MTHFD1L: variants seen among roughly 807,000 people sequenced by gnomAD.
MTHFD1L encodes methylenetetrahydrofolate dehydrogenase (NADP+ dependent) 1 like.
In MTHFD1L, 81 loss-of-function variants were observed where a neutral mutation model predicts 119.5. The observed-to-expected ratio is 0.68, with a 90% CI of 0.57 to 0.82. The LOEUF (loss-of-function observed/expected upper bound fraction) is 0.82, where lower values mean the gene tolerates loss of function less well. Ranked by LOEUF, MTHFD1L falls within the 40% of genes least tolerant of loss-of-function variation. The pLI is 0.00. For synonymous variants in MTHFD1L, 430 were observed against 475.2 expected (o/e 0.90, Z 1.24); for missense variants, 1,125 against 1,253.4 (o/e 0.90, Z 1.55).
rs1424680139 is a variant in MTHFD1L at position 151,034,521 on chromosome 6, T to C, written c.2615T>C (p.Ile872Thr). The C allele has an allele frequency of 2.5e-6, 4 of 1,611,600 alleles. No individual in the cohort carries two copies. Among genetic ancestry groups the C allele is most frequent in the South Asian group, 1.1e-5 (1 of 90,988 alleles). Residue 872 changes from isoleucine to threonine, a missense_variant, in exon 25 of 28, where the codon ATT (isoleucine) becomes ACT (threonine). Coordinates refer to ENST00000367321, the MANE Select transcript of MTHFD1L (RefSeq NM_015440.5). ...QVPIVDKIRT[I>T]AQAVYGAKDI... Reference sequence around the variant, plus strand: ...CCAATTGTGGACAAGATAAGGACCATTGCTCAGGCTGTCTATGGAGCCAAA... The same window carrying C: ...CCAATTGTGGACAAGATAAGGACCACTGCTCAGGCTGTCTATGGAGCCAAA...
At chr6:151,090,939 G>A (rs1414223546) in intron 26 of MTHFD1L, among the ~76,000 whole-genome samples, 3 of 130,976 alleles carry the variant, frequency 2.3e-5, no homozygotes, top group African/African-American at 9.5e-5. Flanking sequence ...ACTGGGTGCA[G>A]CATCGTTCCA....
intron 11 of MTHFD1L, among the ~76,000 whole-genome samples, chr6:150,928,285 A>T (rs1283814757): frequency 6.6e-6 from 1 of 151,568 alleles, no homozygotes; most frequent in African/African-American, 2.4e-5. Flanking sequence ...AATACCAAAA[A>T]ATTAGCCAGG....
intron 27 of MTHFD1L, 48 bp downstream of exon 27, chr6:151,092,635 C>T (rs75272597): frequency 0.019 from 22,365 of 1,186,616 alleles, 291 homozygotes; most frequent in Non-Finnish European, 0.022. Context: ...TTTTCCAGTT[C>T]ATATCCTTTT....
At chr6:151,038,390 C>T (rs972672822) in intron 26 of MTHFD1L, among the ~76,000 whole-genome samples, 24 of 151,636 alleles carry the variant, frequency 1.6e-4, no homozygotes, top group African/African-American at 4.8e-4. Flanking sequence ...TGGGGTGATC[C>T]GATGTGGCTG....
chr6:150,908,107 C>T (rs1008689589), intron 8 of MTHFD1L, among the ~76,000 whole-genome samples: 2 of 150,096 alleles, frequency 1.3e-5, no homozygotes. Context: ...GTGGATGCAC[C>T]ATGTTTGCCA....
At chr6:151,028,751 G>A (rs75409490) in intron 24 of MTHFD1L, among the ~76,000 whole-genome samples, 3,817 of 152,182 alleles carry the variant, frequency 0.025, 103 homozygotes, top group Admixed American at 0.091. Context: ...TGGACTTAAC[G>A]CTACTGAACT....
chr6:150,957,753 T>C (rs936043402), intron 17 of MTHFD1L, among the ~76,000 whole-genome samples: 1 of 152,182 alleles, frequency 6.6e-6, no homozygotes, highest in Non-Finnish European at 1.5e-5. Flanking sequence ...TAAAAACCAT[T>C]TTAAAACTTT....
intron 25 of MTHFD1L, among the ~76,000 whole-genome samples, chr6:151,036,448 C>T (rs1012956932): frequency 6.6e-6 from 1 of 152,184 alleles, no homozygotes; most frequent in African/African-American, 2.4e-5. Flanking sequence ...TCCTTAAAAA[C>T]AAGAAGCTTA....
Position 150,871,116 on chromosome 6 carries a change from ATTAATATATATC to A in MTHFD1L, c.228-4962_228-4951del, listed in dbSNP as rs1162871093. On this transcript the variant is annotated intron_variant, in intron 1 of 27. Coordinates refer to ENST00000367321, the MANE Select transcript of MTHFD1L (RefSeq NM_015440.5). Reference sequence around the variant, plus strand: ...ACACCTTAATATATATATAATATATATTAATATATATCTTAATATATATATATAAGGTAATAT... The same window carrying A: ...ACACCTTAATATATATATAATATATATTAATATATATATATAAGGTAATAT... Among the ~76,000 whole-genome samples the A allele has an allele frequency of 4.5e-3, 656 of 144,862 alleles. 8 individuals carry two copies. Among genetic ancestry groups the A allele is most frequent in the African/African-American group, 0.016 (628 of 39,604 alleles).
intron 27 of MTHFD1L, among the ~76,000 whole-genome samples, chr6:151,096,997 A>G (rs1794942579): frequency 6.6e-6 from 1 of 152,148 alleles, no homozygotes; most frequent in Non-Finnish European, 1.5e-5. Flanking sequence ...ATTAAAATAG[A>G]TTTTTTGTCC....
intron 13 of MTHFD1L, among the ~76,000 whole-genome samples, chr6:150,942,863 A>T (rs1324142447): frequency 1.3e-5 from 2 of 152,186 alleles, no homozygotes; most frequent in African/African-American, 4.8e-5. Flanking sequence ...AAAAAGAATA[A>T]CACTTTCTCA....
intron 26 of MTHFD1L, among the ~76,000 whole-genome samples, chr6:151,044,278 C>T (rs1320040120): frequency 2.6e-5 from 4 of 151,640 alleles, no homozygotes; most frequent in Admixed American, 6.6e-5. Context: ...TGACAGGAGG[C>T]ACCGCATGGG....
chr6:150,971,862 C>A, intron 19 of MTHFD1L, 85 bp from the exon 20 acceptor site: 1 of 1,124,204 alleles, frequency 8.9e-7, no homozygotes, highest in Non-Finnish European at 1.3e-6. Flanking sequence ...TAAAAGCTTT[C>A]CTACCCCATT....
chr6:151,069,789 A>G (rs1394031477), intron 26 of MTHFD1L, among the ~76,000 whole-genome samples: 1 of 152,160 alleles, frequency 6.6e-6, no homozygotes, highest in Non-Finnish European at 1.5e-5. Flanking sequence ...ACAGAGGGCC[A>G]GGTCCAAGTG....
rs1391002733 is a variant in MTHFD1L, at chr6:151,074,940, A to T, written c.2848-17527A>T. Among the ~76,000 whole-genome samples the T allele has an allele frequency of 2.6e-5, 4 of 152,184 alleles. No individual in the cohort carries two copies. In the East Asian group the frequency reaches 7.7e-4, roughly 29 times the overall value. ...TTAAGCAACACAGGACTGTGCTGTA[A>T]ATGCAAGGTAACCATTTCAGTAATT... On this transcript the variant is annotated intron_variant, in intron 26 of 27. Transcript: ENST00000367321.
intron 26 of MTHFD1L, among the ~76,000 whole-genome samples, chr6:151,070,307 C>A (rs548569819): frequency 6.6e-5 from 10 of 152,308 alleles, no homozygotes; most frequent in African/African-American, 2.2e-4. Flanking sequence ...AATGCTGAAA[C>A]CACACCAGGT....
intron 11 of MTHFD1L, chr6:150,935,673 A>C (rs564376178): frequency 1.3e-6 from 1 of 769,772 alleles, no homozygotes; most frequent in Admixed American, 2.8e-5. Flanking sequence ...CCTGGATGCT[A>C]TTAAAGCTTT....
At chr6:150,915,283 A>G (rs1318737888) in intron 8 of MTHFD1L, among the ~76,000 whole-genome samples, 3 of 152,114 alleles carry the variant, frequency 2.0e-5, no homozygotes. Context: ...CTCATCAGCT[A>G]TCATAGTGTT....
At chr6:151,065,210 G>A (rs1217841732) in intron 26 of MTHFD1L, among the ~76,000 whole-genome samples, 1 of 152,198 alleles carries the variant, frequency 6.6e-6, no homozygotes, top group African/African-American at 2.4e-5. Flanking sequence ...CTAGGGGCAT[G>A]TTAGCAAAGG....
Sources: allele counts gnomAD v4.1 joint callset (sites outside exome capture counted in the v4.1 genomes callset), GRCh38; gene constraint gnomAD v4.1.1; transcripts MANE v1.5; gene names NCBI Gene and HGNC (gene_info 2026-07-23, HGNC 2026-07-21).